Variants in SLC9A8 observed in about 807,000 individuals in gnomAD.
SLC9A8 encodes the protein solute carrier family 9 member A8.
A neutral mutation model predicts 66.6 loss-of-function variants in SLC9A8; 48 were observed. The ratio of observed to expected loss-of-function variants is 0.72; its 90% CI spans 0.57 to 0.92. SLC9A8 has a LOEUF of 0.92. SLC9A8 is among the 40% of genes least tolerant of loss of function. The pLI is 0.00. For missense variants in SLC9A8, 599 were observed against 747.3 expected, an observed-to-expected ratio of 0.80 and a Z score of 2.31; for synonymous variants, 274 against 282.6, an observed-to-expected ratio of 0.97 and a Z score of 0.31.
intron 7 of SLC9A8, 84 bp from the exon 8 acceptor site, chr20:49,855,354 A>G: frequency 7.3e-7 from 1 of 1,363,658 alleles, no homozygotes; most frequent in Non-Finnish European, 1.0e-6. Context: ...CTTTCTGTTA[A>G]ATATGGCCTT....
At chr20:49,847,473 C>G (rs1325606542) in intron 5 of SLC9A8, among the ~76,000 whole-genome samples, 2 of 148,724 alleles carry the variant, frequency 1.3e-5, no homozygotes, top group South Asian at 4.3e-4. Flanking sequence ...TTGAAGATGA[C>G]TTTCCAGCAG....
At chr20:49,884,178 G>A (rs1278303146) in intron 14 of SLC9A8, 112 bp downstream of exon 14, 2 of 727,590 alleles carry the variant, frequency 2.7e-6, no homozygotes, top group African/African-American at 3.6e-5. Flanking sequence ...CTTTGAGGAT[G>A]CCCAGCACCT....
intron 12 of SLC9A8, among the ~76,000 whole-genome samples, chr20:49,878,451 A>C (rs2089511049): frequency 6.6e-6 from 1 of 152,254 alleles, no homozygotes; most frequent in Admixed American, 6.5e-5. Flanking sequence ...ATATGTAAAG[A>C]AAATATAGCC....
rs1049572340 is a variant in SLC9A8 at position 49,888,496 on chromosome 20, G to C, written c.*560G>C. 1 of 159,144 alleles carries C rather than the reference G, an allele frequency of 6.3e-6. No homozygotes were observed. Among genetic ancestry groups the C allele is most frequent in the Non-Finnish European group, 1.4e-5 (1 of 71,452 alleles). 9.9% of individuals were successfully genotyped at this position (159,144 alleles called of 1,614,324 possible). A position where few individuals can be genotyped will look rare whatever the true frequency, so the allele number is the denominator to read the frequency against. On this transcript the variant is annotated 3_prime_UTR_variant, in exon 16 of 16. Coordinates refer to ENST00000361573, the MANE Select transcript of SLC9A8 (RefSeq NM_015266.3). The stretch of plus-strand genomic sequence containing the variant: ...CTGTGCTCCCTCAGAGAGAAACGGA[G>C]TGACCTTTTGTCCTTTACCTGATTG...
rs144050263 is a variant in SLC9A8, at chr20:49,843,840, G to C, written c.349-1196G>C. 2.2e-3 allele frequency among the ~76,000 whole-genome samples: 331 copies of C among 152,288 alleles called. 1 individual carries two copies. Among genetic ancestry groups the C allele is most frequent in the Non-Finnish European group, 4.0e-3 (270 of 68,022 alleles). ...GTGTTGGAAGTGTTTGGGTCATGGG[G>C]GTGGACCCTCATGGATAGACTGATG... On this transcript the variant is annotated intron_variant, in intron 4 of 15. Coordinates refer to ENST00000361573, the MANE Select transcript of SLC9A8 (RefSeq NM_015266.3).
At chr20:49,826,801 A>G (rs1218827122) in intron 3 of SLC9A8, among the ~76,000 whole-genome samples, 4 of 152,186 alleles carry the variant, frequency 2.6e-5, no homozygotes, top group Non-Finnish European at 5.9e-5. Flanking sequence ...TTGTTTATTG[A>G]CAATTATTTT....
At chr20:49,876,802 C>G (rs2089443969) in intron 11 of SLC9A8, among the ~76,000 whole-genome samples, 1 of 152,032 alleles carries the variant, frequency 6.6e-6, no homozygotes, top group Admixed American at 6.6e-5. Context: ...AAAGCATCCA[C>G]TAGATCTGAA....
At chr20:49,881,769 G>A (rs1180402036) in intron 13 of SLC9A8, among the ~76,000 whole-genome samples, 3 of 152,024 alleles carry the variant, frequency 2.0e-5, no homozygotes, top group Non-Finnish European at 4.4e-5. Flanking sequence ...ATATATGTAC[G>A]TATGTGTATA....
chr20:49,851,163 A>G (rs1171419523), intron 7 of SLC9A8, among the ~76,000 whole-genome samples: 1 of 152,212 alleles, frequency 6.6e-6, no homozygotes, highest in Non-Finnish European at 1.5e-5. Flanking sequence ...CTTCTTATTT[A>G]CAAGACTTTT....
At chr20:49,838,074 ACACT>A (rs113348363) in intron 3 of SLC9A8, among the ~76,000 whole-genome samples, 30,403 of 151,842 alleles carry the variant, frequency 0.2, 3,030 homozygotes, top group Middle Eastern at 0.22. Context: ...ACACACACAA[ACACT>A]CACACCCTGG....
Position 49,886,681 on chromosome 20 carries a change from G to A in SLC9A8, c.1492-71G>A. 4.5e-6 allele frequency: 7 copies of A among 1,560,972 alleles called. No homozygotes were observed. Among genetic ancestry groups the A allele is most frequent in the Non-Finnish European group, 5.2e-6 (6 of 1,147,640 alleles). On this transcript the variant is annotated intron_variant, in intron 14 of 15. Coordinates refer to ENST00000361573, the MANE Select transcript of SLC9A8 (RefSeq NM_015266.3). This position sits in a 1 kb window ranked among gnomAD's most constrained non-coding sequence, Gnocchi z 4.8. ...GGGACACTGGCGGCCTGGGTGGTGT[G>A]GGGGCTTCCAGGAGGTGCCCCCCGA...
At chr20:49,835,109 A>G (rs76037824) in intron 3 of SLC9A8, among the ~76,000 whole-genome samples, 2,812 of 152,214 alleles carry the variant, frequency 0.018, 81 homozygotes, top group African/African-American at 0.062. Flanking sequence ...TAATTTGGCA[A>G]TATTTTCAGA....
In SLC9A8 at chr20:49,884,338, C is replaced by CACACACACACACACACACACA. The variant is rs1600823664; in HGVS notation, c.1491+272_1491+273insACACACACACACACACACACA. ...CACACACACACACACACACACACAC[C>CACACACACACACACACACACA]CCCCGGTCATCCCCCCTGAGAAGGA... is the stretch of plus-strand genomic sequence containing the variant. On this transcript the variant is annotated intron_variant, in intron 14 of 15. Coordinates refer to ENST00000361573, the MANE Select transcript of SLC9A8 (RefSeq NM_015266.3). Among the ~76,000 whole-genome samples the CACACACACACACACACACACA allele has an allele frequency of 5.3e-3, 237 of 44,578 alleles. 78 individuals are homozygous for CACACACACACACACACACACA. The highest frequency in any genetic ancestry group is 7.6e-3 in the African/African-American group (82 of 10,800). 29.2% of individuals were successfully genotyped at this position (44,578 alleles called of 152,430 possible).
rs893151385 is a variant in SLC9A8, at chr20:49,890,494, G to C, written c.*2558G>C. 3.9e-5 allele frequency: 6 copies of C among 152,260 alleles called. No individual in the cohort carries two copies. Among genetic ancestry groups the C allele is most frequent in the African/African-American group, 1.4e-4 (6 of 41,448 alleles). 9.4% of individuals were successfully genotyped at this position (152,260 alleles called of 1,614,324 possible). On this transcript the variant is annotated 3_prime_UTR_variant, in exon 16 of 16. Coordinates refer to ENST00000361573, the MANE Select transcript of SLC9A8 (RefSeq NM_015266.3). Reference sequence around the variant, plus strand: ...TACTTCAGGATGAGTGAAGGCTGGAGCCAGGGAGCGCTGGAGGAAACCAGC... The same window carrying C: ...TACTTCAGGATGAGTGAAGGCTGGACCCAGGGAGCGCTGGAGGAAACCAGC...
chr20:49,884,261 CACACACACACACGACACACACACACACG>C (rs2089773439), intron 14 of SLC9A8, 195 bp downstream of exon 14: 1 of 283,652 alleles, frequency 3.5e-6, no homozygotes, highest in African/African-American at 5.5e-5. Flanking sequence ...ACACACACGA[CACACACACACACGACACACACACACACG>C]ACACACACAC....
intron 10 of SLC9A8, 47 bp downstream of exon 10, chr20:49,864,891 C>CATATATATATATATATATATATATA: frequency 8.0e-7 from 1 of 1,249,272 alleles, no homozygotes; most frequent in Non-Finnish European, 1.2e-6. Flanking sequence ...GCATCTTGTC[C>CATATATATATATATATATATATATA]TGCCTGGGGA....
intron 8 of SLC9A8, among the ~76,000 whole-genome samples, chr20:49,857,611 G>A (rs901243102): frequency 6.6e-6 from 1 of 152,140 alleles, no homozygotes; most frequent in African/African-American, 2.4e-5. Flanking sequence ...CCAGCTACTC[G>A]AGAGGCTGAG....
At chr20:49,822,993 G>T in intron 2 of SLC9A8, 68 bp from the exon 3 acceptor site, 2 of 1,301,644 alleles carry the variant, frequency 1.5e-6, no homozygotes, top group South Asian at 1.2e-5. Context: ...CCACTGACTT[G>T]AACTTGGTGT....
intron 3 of SLC9A8, among the ~76,000 whole-genome samples, chr20:49,831,994 G>A (rs911578578): frequency 6.6e-6 from 1 of 152,170 alleles, no homozygotes; most frequent in Non-Finnish European, 1.5e-5. Context: ...GCCAAGAGGA[G>A]TGGGGTTGGG....
Sources: gnomAD v4.1 joint callset for allele counts (sites outside exome capture counted in the v4.1 genomes callset) on GRCh38, gnomAD v4.1.1 for gene constraint, Gnocchi (gnomAD v3.1) non-coding constraint, MANE v1.5 for transcripts, NCBI Gene and HGNC (gene_info 2026-07-23, HGNC 2026-07-21) for gene names.